The following CUBN variants were observed in gnomAD, a reference collection of about 807,000 sequenced individuals.
CUBN encodes the protein 460 kDa receptor.
CUBN carries 282 observed loss-of-function variants against 405.3 expected under a neutral mutation model. The ratio of observed to expected loss-of-function variants is 0.70; its 90% confidence interval spans 0.63 to 0.77. The LOEUF (loss-of-function observed/expected upper bound fraction) is 0.77, where lower values mean the gene tolerates loss of function less well. Among genes scored for constraint, CUBN ranks in the 30% least tolerant of loss-of-function variants. The pLI, the probability that CUBN is intolerant of heterozygous loss-of-function variation, is 0.00. For missense variants in CUBN, 4,514 were observed against 4,475.2 expected (o/e 1.01, Z -0.25); for synonymous variants, 1,684 against 1,617.0 (o/e 1.04, Z -0.99).
chr10:16,955,374 C>CAAAAA, intron 31 of CUBN, among the ~76,000 whole-genome samples: 1 of 68,854 alleles, frequency 1.5e-5, no homozygotes, highest in Non-Finnish European at 3.2e-5. Flanking sequence ...GATTCTGTCT[C>CAAAAA]AAAAAAAAAA....
Position 16,907,684 on chromosome 10 carries a change from T to C in CUBN, c.7534-5A>G, listed in dbSNP as rs769047632. 56 of 1,611,812 alleles carry C rather than the reference T, an allele frequency of 3.5e-5. No homozygotes were observed. The highest frequency in any genetic ancestry group is 4.5e-5 in the Non-Finnish European group (53 of 1,179,782). ...ACTTCTAATGCCATTGAATACCTGT[T>C]GGAAAAAGAGTTTAACCTTCAGGCA... On this transcript the variant is annotated splice_region_variant and splice_polypyrimidine_tract_variant and intron_variant, in intron 48 of 66. Coordinates refer to ENST00000377833, the MANE Select transcript of CUBN (RefSeq NM_001081.4).
chr10:17,087,580 AT>A (rs1234371147), intron 15 of CUBN, among the ~76,000 whole-genome samples: 1 of 145,448 alleles, frequency 6.9e-6, no homozygotes, highest in Non-Finnish European at 1.5e-5. Context: ...GGTCCAAACG[AT>A]TCTCCTGCCT....
At chr10:17,099,041 G>C (rs975692148) in intron 14 of CUBN, among the ~76,000 whole-genome samples, 2 of 152,140 alleles carry the variant, frequency 1.3e-5, no homozygotes, top group Non-Finnish European at 2.9e-5. Context: ...CTGACAAGTT[G>C]ATTCAAAAAC....
intron 31 of CUBN, among the ~76,000 whole-genome samples, chr10:16,972,487 G>A (rs911686574): frequency 3.3e-5 from 5 of 151,310 alleles, no homozygotes; most frequent in African/African-American, 1.2e-4. Flanking sequence ...ACCCAGGCTG[G>A]AGTACAGTGG....
chr10:16,949,956 A>T lies in CUBN; in HGVS notation c.5080+45T>A, dbSNP rs772696088. The stretch of plus-strand genomic sequence containing the variant: ...TATAAATATGCGGATCTATAAATAA[A>T]GCACAGCCAAGACCACAGATGTAGA... On this transcript the variant is annotated intron_variant, in intron 34 of 66. Transcript: ENST00000377833. 5.7e-6 allele frequency: 8 copies of T among 1,401,272 alleles called. No individual in the cohort carries two copies. The East Asian group carries it at 6.9e-5, about 12-fold the overall frequency. 86.8% of individuals were successfully genotyped at this position (1,401,272 alleles called of 1,614,324 possible). A position where few individuals can be genotyped will look rare whatever the true frequency, so the allele number is the denominator to read the frequency against.
intron 9 of CUBN, among the ~76,000 whole-genome samples, chr10:17,110,665 T>A (rs1334629644): frequency 1.3e-5 from 2 of 152,116 alleles, no homozygotes; most frequent in Non-Finnish European, 2.9e-5. Flanking sequence ...GTAGCTAGGA[T>A]TACAAGCATG....
At chr10:17,024,508 AT>A (rs1834600453) in intron 27 of CUBN, among the ~76,000 whole-genome samples, 2 of 151,994 alleles carry the variant, frequency 1.3e-5, no homozygotes, top group African/African-American at 4.8e-5. Context: ...TTTCTTAACT[AT>A]TTTTTTGTTT....
intron 21 of CUBN, among the ~76,000 whole-genome samples, 178 bp from the exon 22 acceptor site, chr10:17,065,816 C>T (rs535023674): frequency 1.2e-4 from 19 of 152,138 alleles, no homozygotes; most frequent in Non-Finnish European, 5.9e-5. Flanking sequence ...AAGATTGTCC[C>T]GTTCATGATT....
At chr10:16,952,851 C>T (rs932386072) in intron 32 of CUBN, among the ~76,000 whole-genome samples, 8 of 152,126 alleles carry the variant, frequency 5.3e-5, no homozygotes, top group South Asian at 4.2e-4. Context: ...AGGCGGTCAC[C>T]GCTGGAGGGC....
At chr10:16,964,686 A>G (rs1291253032) in intron 31 of CUBN, among the ~76,000 whole-genome samples, 3 of 152,226 alleles carry the variant, frequency 2.0e-5, no homozygotes, top group Non-Finnish European at 4.4e-5. Context: ...TTACATACAG[A>G]CATGAAAGGG....
chr10:17,084,513 T>C, intron 16 of CUBN, 52 bp from the exon 17 acceptor site: 1 of 1,516,000 alleles, frequency 6.6e-7, no homozygotes, highest in Non-Finnish European at 9.1e-7. Flanking sequence ...TGCTCTGGCT[T>C]GCAGGCATTG....
chr10:16,922,396 T>G (rs911612307), intron 43 of CUBN, among the ~76,000 whole-genome samples: 1 of 152,160 alleles, frequency 6.6e-6, no homozygotes, highest in African/African-American at 2.4e-5. Context: ...AGTAAATTTT[T>G]TCCCTAAATT....
intron 29 of CUBN, 26 bp from the exon 30 acceptor site, chr10:16,984,305 C>T (rs1198208864): frequency 1.2e-6 from 2 of 1,610,850 alleles, no homozygotes; most frequent in Non-Finnish European, 1.7e-6. Context: ...GGAAAAAAGA[C>T]TTTAAAAAAT....
chr10:16,910,836 A>C (rs965878007), intron 48 of CUBN, among the ~76,000 whole-genome samples: 1 of 152,178 alleles, frequency 6.6e-6, no homozygotes, highest in East Asian at 1.9e-4. Context: ...TAAAATAAAG[A>C]TAATTTCAGG....
At chr10:17,039,347 A>G (rs1271735823) in intron 27 of CUBN, among the ~76,000 whole-genome samples, 1 of 152,250 alleles carries the variant, frequency 6.6e-6, no homozygotes, top group Non-Finnish European at 1.5e-5. Flanking sequence ...TGATACTAAA[A>G]TATGGCTGTG....
rs190156013 is a variant in CUBN, at chr10:17,050,810, G to A, written c.3140-3207C>T. On this transcript the variant is annotated intron_variant, in intron 22 of 66. Transcript: ENST00000377833. ...AACAAGACCTGCAGGAATCATAGAA[G>A]TTGGAGGTAGAGACCTAGCAAGTTA... Among the ~76,000 whole-genome samples the A allele has an allele frequency of 1.6e-3, 244 of 152,286 alleles. 1 individual carries two copies. Among genetic ancestry groups the A allele is most frequent in the African/African-American group, 5.6e-3 (233 of 41,558 alleles).
intron 3 of CUBN, 92 bp downstream of exon 3, chr10:17,127,737 C>T (rs1837231525): frequency 1.2e-6 from 1 of 847,010 alleles, no homozygotes; most frequent in African/African-American, 1.7e-5. Flanking sequence ...CTAAAGAGCA[C>T]ACAAAGTTGG....
Position 16,994,266 on chromosome 10 carries a change from T to G in CUBN, c.4169-3751A>C, listed in dbSNP as rs10904862. ...CAGTGCTATAGAAGCCAAGCATATT[T>G]AATATCTCTTGAAAAAAAGAAAGAC... On this transcript the variant is annotated intron_variant, in intron 28 of 66. Transcript: ENST00000377833. Among the ~76,000 whole-genome samples, 959 of 152,308 alleles carry G rather than the reference T, an allele frequency of 6.3e-3. 39 individuals carry two copies. In the East Asian group the frequency reaches 0.13, roughly 20 times the overall value.
chr10:17,068,053 C>T lies in CUBN; in HGVS notation c.3008+11G>A. 1.9e-6 allele frequency: 3 copies of T among 1,599,056 alleles called. No homozygotes were observed. The highest frequency in any genetic ancestry group is 2.2e-5 in the East Asian group (1 of 44,798). On this transcript the variant is annotated intron_variant, in intron 21 of 66. Transcript: ENST00000377833. ...TTTTATTGTTAAACAAACAAACAAA[C>T]ATAACCTTACCTTCCAAGGGATGTC...
Sources: gnomAD v4.1 joint callset for allele counts (sites outside exome capture counted in the v4.1 genomes callset) on GRCh38, gnomAD v4.1.1 for gene constraint, MANE v1.5 for transcripts, NCBI Gene and HGNC (gene_info 2026-07-23, HGNC 2026-07-21) for gene names.